Variants in CCDC71 observed in about 807,000 individuals in gnomAD.
CCDC71 encodes coiled-coil domain containing 71, also known as coiled-coil domain-containing protein 71.
For missense variants in CCDC71, 594 were observed against 604.0 expected (o/e 0.98, Z 0.17); for synonymous variants, 257 against 242.2 (o/e 1.06, Z -0.57).
At position 49,162,561 on chromosome 3, in the gene CCDC71, G is replaced by T; in HGVS notation, c.*244C>A. On this transcript the variant is annotated 3_prime_UTR_variant, in exon 2 of 2. Coordinates refer to ENST00000321895, the MANE Select transcript of CCDC71 (RefSeq NM_022903.4). ...GGAAAGGTATAAAACGTGATAGATG[G>T]AACAGTAGACATACAACTTGAATAA... 1.7e-6 allele frequency: 1 copy of T among 578,584 alleles called. No individual in the cohort carries two copies. Among genetic ancestry groups the T allele is most frequent in the East Asian group, 2.9e-5 (1 of 34,792 alleles). The allele number at this position is 578,584 out of a possible 1,614,324, so 35.8% of individuals were successfully genotyped here.
chr3:49,162,904 G>A lies in CCDC71; in HGVS notation c.1305C>T (p.Ser435=), dbSNP rs1452702543. ...CCCGCTGCCGCACCTCATCATCCGA[G>A]GACCGCCTATCTACCTTTATGGCAC... ...KFRAIKVDRR[S]SDDEVRQRAQ... is the part of the protein sequence containing the mutation. The change falls in exon 2 of 2, where the codon TCC becomes TCT. Residue 435 remains serine (S), a synonymous_variant. Transcript: ENST00000321895. 6.2e-7 allele frequency: 1 copy of A among 1,614,258 alleles called. No individual in the cohort carries two copies. The highest frequency in any genetic ancestry group is 1.7e-5 in the Admixed American group (1 of 60,034).
In CCDC71 at chr3:49,163,264, T is replaced by G; in HGVS notation, c.945A>C (p.Ala315=). Residue 315 remains alanine (A), a synonymous_variant, in exon 2 of 2, where the codon GCA becomes GCC. Transcript: ENST00000321895. ...KAAKARAKAK[A]AQVKAKAKAK... is the part of the protein sequence containing the mutation. ...CTTTGGCCTTAGCCTTGACCTGTGC[T>G]GCCTTGGCCTTGGCCCGGGCCTTAG... 1.3e-6 allele frequency: 2 copies of G among 1,575,232 alleles called. No individual in the cohort carries two copies. Among genetic ancestry groups the G allele is most frequent in the Non-Finnish European group, 8.7e-7 (1 of 1,150,888 alleles).
rs745549213 is a variant in CCDC71 at position 49,162,930 on chromosome 3, G to T, written c.1279C>A (p.Arg427Ser). ...GPGTAKLLKF[R>S]AIKVDRRSSD... ...GACCGCCTATCTACCTTTATGGCAC[G>T]GAACTTCAGCAGCTTTGCTGTTCCA... The change falls in exon 2 of 2, where the codon CGT (arginine) becomes AGT (serine). Residue 427 changes from arginine to serine, a missense_variant. Coordinates refer to ENST00000321895, the MANE Select transcript of CCDC71 (RefSeq NM_022903.4). 6.2e-7 allele frequency: 1 copy of T among 1,614,132 alleles called. No homozygotes were observed. Among genetic ancestry groups the T allele is most frequent in the East Asian group, 2.2e-5 (1 of 44,890 alleles).
Position 49,163,222 on chromosome 3 carries a change from G to C in CCDC71, c.987C>G (p.Val329=), listed in dbSNP as rs887650225. ...CTGCCATGACTTTGGCCTTGGCCTT[G>C]ACCTGTGCTGCCTTAGCTTTGGCCT... ...KAKAKAKAAQ[V]KAKAKVMAAW... is the part of the protein sequence containing the mutation. Residue 329 remains valine, a synonymous_variant, in exon 2 of 2, where the codon GTC becomes GTG. Transcript: ENST00000321895. 2.5e-6 allele frequency: 4 copies of C among 1,571,778 alleles called. No homozygotes were observed. The highest frequency in any genetic ancestry group is 2.7e-5 in the African/African-American group (2 of 73,906).
chr3:49,164,302 G>T, intron 1 of CCDC71, 42 bp from the exon 2 acceptor site: 1 of 1,228,898 alleles, frequency 8.1e-7, no homozygotes, highest in Non-Finnish European at 1.2e-6. Flanking sequence ...ATGGCACTAA[G>T]ACAAGGGGCC....
Position 49,163,886 on chromosome 3 carries a change from C to G in CCDC71, c.323G>C (p.Arg108Pro). The change falls in exon 2 of 2, where the codon CGG (arginine) becomes CCG (proline). Residue 108 changes from arginine to proline, a missense_variant. Physicochemically the swap from Arg to Pro is moderately radical, Grantham distance 103. Transcript: ENST00000321895. ...CAGTGTGGCCCGACCTGCAGGCAACCGCATGGCAGTTCGGGGAGCACTGGC... is the reference window on the plus strand; with the variant it reads ...CAGTGTGGCCCGACCTGCAGGCAACGGCATGGCAGTTCGGGGAGCACTGGC... ...PPASAPRTAM[R>P]LPAGRATLLP... The G allele has an allele frequency of 6.2e-7, 1 of 1,614,134 alleles. No individual in the cohort carries two copies. Among genetic ancestry groups the G allele is most frequent in the East Asian group, 2.2e-5 (1 of 44,874 alleles).
chr3:49,166,294 G>A lies in CCDC71; in HGVS notation c.-80C>T, dbSNP rs1362270050. On this transcript the variant is annotated 5_prime_UTR_variant, in exon 1 of 2. Coordinates refer to ENST00000321895, the MANE Select transcript of CCDC71 (RefSeq NM_022903.4). The surrounding 1 kb of genome is among the most constrained non-coding windows in gnomAD (Gnocchi z 4.0). ...GCGCCGCCGCGGGGACCCAAGACGCGCCTCTGCGCCGCCTCCGCTGCTCCA... is the reference window on the plus strand; with the variant it reads ...GCGCCGCCGCGGGGACCCAAGACGCACCTCTGCGCCGCCTCCGCTGCTCCA... 1 of 152,274 alleles carries A rather than the reference G, an allele frequency of 6.6e-6. No homozygotes were observed. The highest frequency in any genetic ancestry group is 1.5e-5 in the Non-Finnish European group (1 of 67,980). The allele number at this position is 152,274 out of a possible 1,614,324, so 9.4% of individuals were successfully genotyped here.
In CCDC71 at chr3:49,163,066, G is replaced by A. The variant is rs753684993; in HGVS notation, c.1143C>T (p.Asn381=). The change falls in exon 2 of 2, where the codon AAC becomes AAT. Residue 381 remains asparagine, a synonymous_variant. Coordinates refer to ENST00000321895, the MANE Select transcript of CCDC71 (RefSeq NM_022903.4). ...TCTTCTGCCCAACAGTCTCAGGGCG[G>A]TTTTTCTGGCCCTTCCTTGTAGTTC... ...KARTTRKGQK[N]RPETVGQKRK... 6.2e-7 allele frequency: 1 copy of A among 1,614,258 alleles called. No homozygotes were observed. The highest frequency in any genetic ancestry group is 1.1e-5 in the South Asian group (1 of 91,092).
chr3:49,165,565 C>T (rs2107654991), intron 1 of CCDC71, among the ~76,000 whole-genome samples: 1 of 152,376 alleles, frequency 6.6e-6, no homozygotes, highest in South Asian at 2.1e-4. Flanking sequence ...TTCAGAATAC[C>T]CTGGAGGAAA....
rs557155356 is a variant in CCDC71, at chr3:49,163,291, A to G, written c.918T>C (p.Ala306=). Residue 306 remains alanine (A), a synonymous_variant, in exon 2 of 2, where the codon GCT becomes GCC. Transcript: ENST00000321895. ...CCTTGGCCTTGGCCCGGGCCTTAGCAGCCTTGGCCTGTGTTCGAGCCACCT... is the reference window on the plus strand; with the variant it reads ...CCTTGGCCTTGGCCCGGGCCTTAGCGGCCTTGGCCTGTGTTCGAGCCACCT... ...QAKVARTQAK[A]AKARAKAKAA... The G allele has an allele frequency of 3.8e-6, 6 of 1,590,790 alleles. No homozygotes were observed. Among genetic ancestry groups the G allele is most frequent in the South Asian group, 1.1e-5 (1 of 90,202 alleles).
At position 49,163,876 on chromosome 3, in the gene CCDC71, T is replaced by C; in HGVS notation, c.333A>G (p.Ala111=). Reference sequence around the variant, plus strand: ...GCATGGGAAGCAGTGTGGCCCGACCTGCAGGCAACCGCATGGCAGTTCGGG... The same window carrying C: ...GCATGGGAAGCAGTGTGGCCCGACCCGCAGGCAACCGCATGGCAGTTCGGG... ...SAPRTAMRLP[A]GRATLLPMPL... Residue 111 remains alanine (A), a synonymous_variant, in exon 2 of 2, where the codon GCA becomes GCG. Transcript: ENST00000321895. 6.2e-7 allele frequency: 1 copy of C among 1,614,192 alleles called. No individual in the cohort carries two copies. Among genetic ancestry groups the C allele is most frequent in the South Asian group, 1.1e-5 (1 of 91,086 alleles).
chr3:49,165,905 C>A (rs992123503), intron 1 of CCDC71, among the ~76,000 whole-genome samples: 1 of 152,212 alleles, frequency 6.6e-6, no homozygotes, highest in Non-Finnish European at 1.5e-5. Context: ...TCCCTTCACA[C>A]GTGCCCCCGG....
chr3:49,162,906 A>C lies in CCDC71; in HGVS notation c.1303T>G (p.Ser435Ala). 3.7e-6 allele frequency: 6 copies of C among 1,614,226 alleles called. No homozygotes were observed. Among genetic ancestry groups the C allele is most frequent in the Non-Finnish European group, 5.1e-6 (6 of 1,180,050 alleles). The change falls in exon 2 of 2, where the codon TCC becomes GCC. Residue 435 changes from serine (S) to alanine (A), a missense_variant. Physicochemically the swap from Ser to Ala is moderately conservative, Grantham distance 99. Coordinates refer to ENST00000321895, the MANE Select transcript of CCDC71 (RefSeq NM_022903.4). ...KFRAIKVDRRSSDDEVRQRAQ... is the reference protein window; with the variant it reads ...KFRAIKVDRRASDDEVRQRAQ... ...CGCTGCCGCACCTCATCATCCGAGGACCGCCTATCTACCTTTATGGCACGG... is the reference window on the plus strand; with the variant it reads ...CGCTGCCGCACCTCATCATCCGAGGCCCGCCTATCTACCTTTATGGCACGG...
At position 49,163,747 on chromosome 3, in the gene CCDC71, G is replaced by T; in HGVS notation, c.462C>A (p.Ala154=). The T allele has an allele frequency of 6.2e-7, 1 of 1,614,092 alleles. No individual in the cohort carries two copies. Among genetic ancestry groups the T allele is most frequent in the Non-Finnish European group, 8.5e-7 (1 of 1,180,032 alleles). ...SSLKQSSASH[A]RGAAVGFPTH... ...TGGGGAAGCCCACTGCTGCACCCCG[G>T]GCATGGCTGGCACTTGATTGCTTCA... Residue 154 remains alanine, a synonymous_variant, in exon 2 of 2, where the codon GCC becomes GCA. Coordinates refer to ENST00000321895, the MANE Select transcript of CCDC71 (RefSeq NM_022903.4).
In CCDC71 at chr3:49,162,802, GA is replaced by G. The variant is rs1466508715; in HGVS notation, c.*2del. On this transcript the variant is annotated 3_prime_UTR_variant, in exon 2 of 2. Transcript: ENST00000321895. ...TTTCCCCAAACATTGCCGTGTGAAG[GA>G]ATCAGACTGCTGAATATGGCAGCAA... is the stretch of plus-strand genomic sequence containing the variant. The G allele has an allele frequency of 1.2e-6, 2 of 1,612,250 alleles. No homozygotes were observed. The highest frequency in any genetic ancestry group is 2.2e-5 in the East Asian group (1 of 44,828).
Position 49,163,386 on chromosome 3 carries a change from C to T in CCDC71, c.823G>A (p.Ala275Thr). ...GCCTGGGCTGTTTTGGTGCCCAGGG[C>T]AGAGCCCCCTTTCATTCGCCGGACA... ...PSVRRMKGGS[A>T]LGTKTAQAKV... Residue 275 changes from alanine to threonine, a missense_variant, in exon 2 of 2, where the codon GCC becomes ACC. Ala to Thr is a moderately conservative substitution (Grantham distance 58, BLOSUM62 0). Coordinates refer to ENST00000321895, the MANE Select transcript of CCDC71 (RefSeq NM_022903.4). 6.2e-7 allele frequency: 1 copy of T among 1,614,076 alleles called. No individual in the cohort carries two copies. The highest frequency in any genetic ancestry group is 1.1e-5 in the South Asian group (1 of 91,090).
chr3:49,163,210 GGCCTTGGCCTTGACCTGTGCT>G lies in CCDC71; in HGVS notation c.978_998del (p.Ala327_Ala333del). Reference sequence around the variant, plus strand: ...CCTTGGCCCATGCTGCCATGACTTTGGCCTTGGCCTTGACCTGTGCTGCCTTAGCTTTGGCCTTAGCCTTGA... The same window carrying G: ...CCTTGGCCCATGCTGCCATGACTTTGGCCTTAGCTTTGGCCTTAGCCTTGA... On this transcript the variant is annotated inframe_deletion, in exon 2 of 2. Transcript: ENST00000321895. 6.4e-7 allele frequency: 1 copy of G among 1,571,958 alleles called. No individual in the cohort carries two copies. The highest frequency in any genetic ancestry group is 8.7e-7 in the Non-Finnish European group (1 of 1,149,492).
chr3:49,162,882 G>A lies in CCDC71; in HGVS notation c.1327C>T (p.Arg443Trp), dbSNP rs755916138. 1.6e-5 allele frequency: 26 copies of A among 1,614,040 alleles called. No individual in the cohort carries two copies. The highest frequency in any genetic ancestry group is 3.3e-5 in the Admixed American group (2 of 60,002). Residue 443 changes from arginine to tryptophan, a missense_variant, in exon 2 of 2, where the codon CGG (arginine) becomes TGG (tryptophan). By Grantham distance (101) the Arg-to-Trp change is moderately radical (BLOSUM62 -3). Coordinates refer to ENST00000321895, the MANE Select transcript of CCDC71 (RefSeq NM_022903.4). ...TTCACGCGGAGGATCCGCTGAGCCC[G>A]CTGCCGCACCTCATCATCCGAGGAC... ...RRSSDDEVRQ[R>W]AQRILRVNLS...
At position 49,163,731 on chromosome 3, in the gene CCDC71, C is replaced by T. The variant is rs1276972987; in HGVS notation, c.478G>A (p.Gly160Ser). ...SASHARGAAV[G>S]FPTHLYPGVY... ...CCTGGATAAAGGTGGGTGGGGAAGCCCACTGCTGCACCCCGGGCATGGCTG... is the reference window on the plus strand; with the variant it reads ...CCTGGATAAAGGTGGGTGGGGAAGCTCACTGCTGCACCCCGGGCATGGCTG... The change falls in exon 2 of 2, where the codon GGC becomes AGC. Residue 160 changes from glycine (G) to serine (S), a missense_variant. Coordinates refer to ENST00000321895, the MANE Select transcript of CCDC71 (RefSeq NM_022903.4). The T allele has an allele frequency of 4.3e-6, 7 of 1,614,060 alleles. No individual in the cohort carries two copies. In the South Asian group the frequency reaches 6.6e-5, roughly 15 times the overall value.
Sources: allele counts gnomAD v4.1 joint callset (sites outside exome capture counted in the v4.1 genomes callset), GRCh38; gene constraint gnomAD v4.1.1; non-coding constraint Gnocchi (gnomAD v3.1); transcripts MANE v1.5; gene names NCBI Gene and HGNC (gene_info 2026-07-23, HGNC 2026-07-21).